Variants in ZGPAT observed in about 807,000 individuals in gnomAD.
The protein encoded by ZGPAT is zinc finger CCCH-type and G-patch domain containing.
ZGPAT carries 39 observed loss-of-function variants against 47.9 expected under a neutral mutation model. The ratio of observed to expected loss-of-function variants is 0.81; its 90% CI spans 0.63 to 1.06. The LOEUF is 1.06. Among genes scored for constraint, ZGPAT ranks in the 50% least tolerant of loss-of-function variants. The pLI, the probability that ZGPAT is intolerant of heterozygous loss-of-function variation, is 0.00. For missense variants in ZGPAT, 717 were observed against 681.4 expected, an observed-to-expected ratio of 1.05 and a Z score of -0.58; for synonymous variants, 348 against 292.9, an observed-to-expected ratio of 1.19 and a Z score of -1.92.
At chr20:63,722,049 C>T (rs1414858452) in intron 2 of ZGPAT, among the ~76,000 whole-genome samples, 1 of 151,204 alleles carries the variant, frequency 6.6e-6, no homozygotes. Flanking sequence ...ATCAACAGCA[C>T]GACCCTGGAG....
At chr20:63,714,142 C>T (rs981602833) in intron 2 of ZGPAT, among the ~76,000 whole-genome samples, 10 of 151,872 alleles carry the variant, frequency 6.6e-5, no homozygotes, top group African/African-American at 9.7e-5. Context: ...GTGACTAGAG[C>T]GGGCCGGGGG....
Position 63,735,235 on chromosome 20 carries a change from G to A in ZGPAT, c.1068G>A (p.Gln356=). ...TGCCTCGAGGGAAGTCGCTGGACCAGTGTGTGGAGACCCTGCAGAAGCAGA... is the reference window on the plus strand; with the variant it reads ...TGCCTCGAGGGAAGTCGCTGGACCAATGTGTGGAGACCCTGCAGAAGCAGA... The part of the protein sequence containing the change: ...VVLPRGKSLD[Q]CVETLQKQTR... Residue 356 remains glutamine, a synonymous_variant, in exon 6 of 7, where the codon CAG becomes CAA. Coordinates refer to ENST00000355969, the MANE Select transcript of ZGPAT (RefSeq NM_181485.3). The A allele has an allele frequency of 6.3e-7, 1 of 1,596,254 alleles. No individual in the cohort carries two copies. Among genetic ancestry groups the A allele is most frequent in the South Asian group, 1.1e-5 (1 of 88,922 alleles).
chr20:63,735,289 GC>G lies in ZGPAT; in HGVS notation c.1128del (p.Arg377GlyfsTer34). ...TRVGKAGTNK[P>X]PRCRGRGARP... ...GGGTTGGCAAGGCTGGCACCAACAA[GC>G]CCCCCAGGTGCCGGGGAAGAGGGGC... On this transcript the variant is annotated frameshift_variant, in exon 6 of 7. Coordinates refer to ENST00000355969, the MANE Select transcript of ZGPAT (RefSeq NM_181485.3). LOFTEE classifies it high-confidence loss of function. 2.5e-6 allele frequency: 4 copies of G among 1,604,990 alleles called. No homozygotes were observed. Among genetic ancestry groups the G allele is most frequent in the Non-Finnish European group, 3.4e-6 (4 of 1,175,754 alleles).
At chr20:63,713,738 G>T (rs2091695493) in intron 2 of ZGPAT, among the ~76,000 whole-genome samples, 1 of 151,560 alleles carries the variant, frequency 6.6e-6, no homozygotes, top group South Asian at 2.1e-4. Flanking sequence ...TGGCATGGTG[G>T]CAGGTGCCTG....
chr20:63,730,962 CTCTCTCTCTGTGTGTG>C (rs1212700803), intron 2 of ZGPAT, among the ~76,000 whole-genome samples: 56 of 83,412 alleles, frequency 6.7e-4, no homozygotes, highest in African/African-American at 3.2e-3. Flanking sequence ...CTCTCTCTCT[CTCTCTCTCTGTGTGTG>C]TGTGTGTGTG....
chr20:63,722,528 A>G (rs2091799106), intron 2 of ZGPAT, among the ~76,000 whole-genome samples: 1 of 152,174 alleles, frequency 6.6e-6, no homozygotes, highest in African/African-American at 2.4e-5. Context: ...CTGAATTTTT[A>G]GCTATGCTGT....
At chr20:63,719,512 A>C (rs1481516640) in intron 2 of ZGPAT, among the ~76,000 whole-genome samples, 1 of 151,730 alleles carries the variant, frequency 6.6e-6, no homozygotes, top group African/African-American at 2.4e-5. Flanking sequence ...ACCTGTCCTC[A>C]AGTTCACTGT....
chr20:63,733,478 C>G (rs1179178485), intron 3 of ZGPAT, 109 bp from the exon 4 acceptor site: 5 of 1,600,014 alleles, frequency 3.1e-6, no homozygotes, highest in Non-Finnish European at 4.3e-6. Context: ...CCGAAATGAG[C>G]ACACCTACCC....
At chr20:63,721,782 G>A (rs1190502928) in intron 2 of ZGPAT, among the ~76,000 whole-genome samples, 3 of 152,070 alleles carry the variant, frequency 2.0e-5, no homozygotes, top group East Asian at 1.9e-4. Flanking sequence ...TTGGGAGGCC[G>A]AGGCGGGTGA....
At chr20:63,733,511 C>T (rs1277648727) in intron 3 of ZGPAT, 76 bp from the exon 4 acceptor site, 3 of 1,611,552 alleles carry the variant, frequency 1.9e-6, no homozygotes, top group African/African-American at 2.7e-5. Context: ...CTGCCTTGCT[C>T]CTCATGTCCA....
chr20:63,726,270 C>G (rs2091844824), intron 2 of ZGPAT, among the ~76,000 whole-genome samples: 1 of 149,220 alleles, frequency 6.7e-6, no homozygotes, highest in Admixed American at 6.7e-5. Flanking sequence ...GCGATCTTGG[C>G]TCACTGCAAC....
chr20:63,714,576 T>C (rs897527599), intron 2 of ZGPAT, among the ~76,000 whole-genome samples: 2 of 152,152 alleles, frequency 1.3e-5, no homozygotes, highest in Non-Finnish European at 2.9e-5. Context: ...TTCTGTAGAT[T>C]CCCTTTATCG....
chr20:63,726,954 A>G (rs976164022), intron 2 of ZGPAT, among the ~76,000 whole-genome samples: 12 of 151,830 alleles, frequency 7.9e-5, no homozygotes, highest in Non-Finnish European at 5.9e-5. Flanking sequence ...ATGCTCCCTC[A>G]CCAGACTGGT....
intron 5 of ZGPAT, 28 bp from the exon 6 acceptor site, chr20:63,735,131 C>T (rs779039820): frequency 1.3e-6 from 2 of 1,493,556 alleles, no homozygotes; most frequent in Admixed American, 2.4e-5. Flanking sequence ...CCCGCAGCCA[C>T]AGCACTGCCA....
intron 2 of ZGPAT, among the ~76,000 whole-genome samples, chr20:63,715,877 G>C (rs967135893): frequency 6.6e-6 from 1 of 152,002 alleles, no homozygotes; most frequent in African/African-American, 2.4e-5. Context: ...TCTTTTGTTG[G>C]AAGTTTATTG....
rs369740983 is a variant in ZGPAT, at chr20:63,709,117, G to A, written c.537G>A (p.Pro179=). The A allele has an allele frequency of 1.9e-6, 3 of 1,612,800 alleles. No homozygotes were observed. The highest frequency in any genetic ancestry group is 2.7e-5 in the African/African-American group (2 of 74,940). Residue 179 remains proline (P), a synonymous_variant, in exon 2 of 7, where the codon CCG becomes CCA. Coordinates refer to ENST00000355969, the MANE Select transcript of ZGPAT (RefSeq NM_181485.3). ...ACCCCACTCACAAGTCTCTGAAGCC[G>A]TGCCCGTTCTTCCTGGAGGGAAAGT... ...YLYPTHKSLK[P]CPFFLEGKCR...
In ZGPAT at chr20:63,735,460, C is replaced by G. The variant is rs764701149; in HGVS notation, c.1293C>G (p.Ala431=). ...ACATGTACCATGCCAGCAAGAGTGC[C>G]AAGCGGGCCCTGAGCCTGCGGCTCT... ...SKDMYHASKS[A]KRALSLRLFQ... Residue 431 remains alanine (A), a synonymous_variant, in exon 6 of 7, where the codon GCC becomes GCG. Transcript: ENST00000355969. 3.7e-5 allele frequency: 58 copies of G among 1,564,638 alleles called. 1 individual carries two copies. The highest frequency in any genetic ancestry group is 3.4e-4 in the East Asian group (15 of 44,392).
At chr20:63,731,816 G>A (rs2091907529) in intron 2 of ZGPAT, among the ~76,000 whole-genome samples, 1 of 152,172 alleles carries the variant, frequency 6.6e-6, no homozygotes, top group Admixed American at 6.5e-5. Context: ...AAATAATTGG[G>A]GAAGAAAAGG....
At chr20:63,733,073 T>A (rs2091938937) in intron 2 of ZGPAT, 146 bp from the exon 3 acceptor site, 1 of 1,011,676 alleles carries the variant, frequency 9.9e-7, no homozygotes, top group Non-Finnish European at 1.4e-6. Flanking sequence ...TGTGTGTGCG[T>A]GAGTGTGTGA....
Sources: gnomAD v4.1 joint callset for allele counts (sites outside exome capture counted in the v4.1 genomes callset) on GRCh38, gnomAD v4.1.1 for gene constraint, MANE v1.5 for transcripts, NCBI Gene and HGNC (gene_info 2026-07-23, HGNC 2026-07-21) for gene names.